Variants in RGS6 observed in about 807,000 individuals in gnomAD.
RGS6 encodes regulator of G-protein signaling 6.
A neutral mutation model predicts 78.5 loss-of-function variants in RGS6; 30 were observed. The observed-to-expected ratio is 0.38, with a 90% CI of 0.29 to 0.52. The LOEUF (loss-of-function observed/expected upper bound fraction) is 0.52, where lower values mean the gene tolerates loss of function less well. Among genes scored for constraint, RGS6 ranks in the 20% least tolerant of loss-of-function variants. The probability of loss-of-function intolerance (pLI) is 0.85; values close to 1 mark genes in which losing one functional copy is unlikely to be tolerated. For missense variants in RGS6, 495 were observed against 609.7 expected, an observed-to-expected ratio of 0.81 and a Z score of 1.98; for synonymous variants, 206 against 206.0, an observed-to-expected ratio of 1.00 and a Z score of 0.00.
intron 3 of RGS6, among the ~76,000 whole-genome samples, chr14:72,369,957 G>C (rs959119524): frequency 6.6e-6 from 1 of 152,008 alleles, no homozygotes; most frequent in Non-Finnish European, 1.5e-5. Flanking sequence ...CCATTGCTTT[G>C]ATTTTTTCAG....
At chr14:72,414,594 G>T (rs183785579) in intron 3 of RGS6, among the ~76,000 whole-genome samples, 12 of 152,262 alleles carry the variant, frequency 7.9e-5, no homozygotes, top group Admixed American at 5.2e-4. Context: ...GCTGTGTTCC[G>T]TTGCTGGTGA....
At chr14:72,300,431 C>A (rs1441100460) in intron 2 of RGS6, among the ~76,000 whole-genome samples, 1 of 152,192 alleles carries the variant, frequency 6.6e-6, no homozygotes, top group African/African-American at 2.4e-5. Flanking sequence ...GGGGACAGTA[C>A]AATGTACCTG....
chr14:72,338,310 G>A (rs2076400830), intron 2 of RGS6, among the ~76,000 whole-genome samples: 1 of 152,250 alleles, frequency 6.6e-6, no homozygotes, highest in African/African-American at 2.4e-5. Context: ...ATGGCAGAAG[G>A]CGAAAGGCAC....
chr14:71,990,820 T>A, intron 2 of RGS6: 1 of 456,046 alleles, frequency 2.2e-6, no homozygotes, highest in South Asian at 1.5e-5. Context: ...TCTTCCTCAC[T>A]TACCACAAAC....
intron 2 of RGS6, among the ~76,000 whole-genome samples, chr14:72,141,990 A>AGT (rs2096546622): frequency 6.6e-6 from 1 of 151,946 alleles, no homozygotes; most frequent in South Asian, 2.1e-4. Context: ...CTTCTACTCC[A>AGT]GTGACCCCTC....
intron 3 of RGS6, among the ~76,000 whole-genome samples, chr14:72,422,589 C>T (rs1435734338): frequency 1.3e-5 from 2 of 152,042 alleles, no homozygotes; most frequent in Non-Finnish European, 2.9e-5. Context: ...ACTGGGAGAG[C>T]CCTATGTACT....
At chr14:72,414,648 G>A (rs954542830) in intron 3 of RGS6, among the ~76,000 whole-genome samples, 2 of 152,162 alleles carry the variant, frequency 1.3e-5, no homozygotes, top group Admixed American at 6.5e-5. Flanking sequence ...CTGATTTTTA[G>A]AGTTTCCATT....
In RGS6 at chr14:72,419,823, G is replaced by A. The variant is rs117547406; in HGVS notation, c.185-34705G>A. Among the ~76,000 whole-genome samples, 107 of 152,334 alleles carry A rather than the reference G, an allele frequency of 7.0e-4. 1 individual carries two copies. The highest frequency in any genetic ancestry group is 2.0e-3 in the African/African-American group (84 of 41,586). ...GGTATCAGGGAATGCTTCTCAGAGC[G>A]GGTGGCGTTTGCCCTGAGACTTGAA... On this transcript the variant is annotated intron_variant, in intron 3 of 17. Transcript: ENST00000553525.
At chr14:72,058,213 C>T (rs1055067314) in intron 2 of RGS6, among the ~76,000 whole-genome samples, 2 of 151,958 alleles carry the variant, frequency 1.3e-5, no homozygotes, top group African/African-American at 4.8e-5. Context: ...AAAACTTGTG[C>T]TAGAATACTC....
chr14:72,228,169 A>G (rs555131936), intron 2 of RGS6, among the ~76,000 whole-genome samples: 19 of 152,244 alleles, frequency 1.2e-4, no homozygotes, highest in Admixed American at 3.9e-4. Flanking sequence ...ACTTGAGGCC[A>G]GGAGTTCGAG....
chr14:72,234,039 A>G (rs1002535991), intron 2 of RGS6, among the ~76,000 whole-genome samples: 7 of 152,132 alleles, frequency 4.6e-5, no homozygotes, highest in Non-Finnish European at 7.3e-5. Flanking sequence ...GCTTGTGAGT[A>G]TGCTCACTTC....
intron 2 of RGS6, among the ~76,000 whole-genome samples, chr14:72,220,378 G>T (rs554341998): frequency 1.3e-5 from 2 of 151,942 alleles, no homozygotes; most frequent in African/African-American, 2.4e-5. Flanking sequence ...TTTCTACTTA[G>T]CCTGGATAAA....
chr14:72,133,529 C>G (rs1005727085), intron 2 of RGS6, among the ~76,000 whole-genome samples: 2 of 152,122 alleles, frequency 1.3e-5, no homozygotes, highest in African/African-American at 4.8e-5. Context: ...AACCGGGCTT[C>G]CCTTTCCCCA....
the RGS6 span, among the ~76,000 whole-genome samples, chr14:71,885,267 C>T: frequency 1.3e-5 from 2 of 152,154 alleles, no homozygotes; most frequent in Non-Finnish European, 1.5e-5. Flanking sequence ...AAACAAACAA[C>T]ACTGAAGAAA....
At chr14:72,371,559 C>T (rs1439988521) in intron 3 of RGS6, among the ~76,000 whole-genome samples, 3 of 152,038 alleles carry the variant, frequency 2.0e-5, no homozygotes, top group Admixed American at 6.5e-5. Context: ...GTTGGGAGTT[C>T]GAGACCAGCC....
intron 2 of RGS6, among the ~76,000 whole-genome samples, chr14:71,966,509 C>T (rs1227810115): frequency 6.6e-6 from 1 of 152,186 alleles, no homozygotes; most frequent in Admixed American, 6.5e-5. Context: ...CTGGGAGACC[C>T]CGTGCCAGGC....
At chr14:72,091,034 G>A (rs2153500897) in intron 2 of RGS6, among the ~76,000 whole-genome samples, 1 of 152,284 alleles carries the variant, frequency 6.6e-6, no homozygotes, top group South Asian at 2.1e-4. Context: ...GGGGAAGAGG[G>A]AGTAGCATGA....
At chr14:72,074,428 C>T (rs1217975601) in intron 2 of RGS6, among the ~76,000 whole-genome samples, 2 of 152,124 alleles carry the variant, frequency 1.3e-5, no homozygotes, top group African/African-American at 4.8e-5. Context: ...GAACTCCTGG[C>T]CTCAAGCAAT....
chr14:72,214,176 TA>T (rs1451897750), intron 2 of RGS6, among the ~76,000 whole-genome samples: 2 of 148,532 alleles, frequency 1.3e-5, no homozygotes, highest in African/African-American at 2.5e-5. Flanking sequence ...TTTATTTTCT[TA>T]TTTTTTTTTT....
Sources: gnomAD v4.1 joint callset for allele counts (sites outside exome capture counted in the v4.1 genomes callset) on GRCh38, gnomAD v4.1.1 for gene constraint, MANE v1.5 for transcripts, NCBI Gene and HGNC (gene_info 2026-07-23, HGNC 2026-07-21) for gene names.